Variants in ITGA8 observed in about 807,000 individuals in gnomAD.
The protein encoded by ITGA8 is integrin subunit alpha 8.
ITGA8 carries 91 observed loss-of-function variants against 142.3 expected under a neutral mutation model. The observed-to-expected ratio is 0.64, with a 90% CI of 0.54 to 0.76. The LOEUF is 0.76. ITGA8 is among the 30% of genes least tolerant of loss of function. The probability of loss-of-function intolerance (pLI) is 0.00; values close to 1 mark genes in which losing one functional copy is unlikely to be tolerated. For missense variants in ITGA8, 1,406 were observed against 1,327.7 expected (o/e 1.06, Z -0.92); for synonymous variants, 505 against 485.2 (o/e 1.04, Z -0.54).
At chr10:15,586,722 A>G (rs375115538) in intron 22 of ITGA8, 58 bp from the exon 23 acceptor site, 6 of 998,236 alleles carry the variant, frequency 6.0e-6, no homozygotes, top group East Asian at 2.4e-5. Context: ...ATTACAATAT[A>G]TGATCATAAA....
intron 23 of ITGA8, among the ~76,000 whole-genome samples, chr10:15,580,549 G>A (rs1023770602): frequency 4.6e-5 from 7 of 152,066 alleles, no homozygotes; most frequent in South Asian, 4.1e-4. Context: ...TTAGCAAGTC[G>A]AATCCCAGAG....
intron 11 of ITGA8, among the ~76,000 whole-genome samples, chr10:15,651,533 T>C (rs1382311311): frequency 2.0e-5 from 3 of 151,722 alleles, no homozygotes; most frequent in African/African-American, 4.8e-5. Flanking sequence ...TATTGACAGT[T>C]TTTTTTTTTT....
At chr10:15,583,419 T>C (rs61845562) in intron 23 of ITGA8, among the ~76,000 whole-genome samples, 44,204 of 151,972 alleles carry the variant, frequency 0.29, 7,369 homozygotes, top group Non-Finnish European at 0.38. Flanking sequence ...ATGTAGATGA[T>C]GGGTTGATGA....
Position 15,630,740 on chromosome 10 carries a change from G to C in ITGA8, c.1399+13290C>G, listed in dbSNP as rs543544794. Among the ~76,000 whole-genome samples the C allele has an allele frequency of 1.2e-4, 18 of 152,060 alleles. No individual in the cohort carries two copies. In the South Asian group the frequency reaches 3.7e-3, roughly 32 times the overall value. ...TTCAAAGTGACATATTAAAAAACAT[G>C]CAGAGGGAGGGAAGAAATAATATGA... On this transcript the variant is annotated intron_variant, in intron 13 of 29. Coordinates refer to ENST00000378076, the MANE Select transcript of ITGA8 (RefSeq NM_003638.3).
chr10:15,664,411 C>T (rs1347363068), intron 8 of ITGA8, among the ~76,000 whole-genome samples: 1 of 152,052 alleles, frequency 6.6e-6, no homozygotes, highest in Non-Finnish European at 1.5e-5. Flanking sequence ...ACCTGAACTG[C>T]AAAACTTTAT....
chr10:15,698,621 G>A (rs1217816273), intron 2 of ITGA8, among the ~76,000 whole-genome samples: 1 of 152,058 alleles, frequency 6.6e-6, no homozygotes, highest in Non-Finnish European at 1.5e-5. Flanking sequence ...GAGTGAGGTG[G>A]TATCACATCG....
chr10:15,583,839 T>C (rs547918353), intron 23 of ITGA8, among the ~76,000 whole-genome samples: 3 of 152,244 alleles, frequency 2.0e-5, no homozygotes, highest in African/African-American at 7.2e-5. Context: ...CTTTATGTAA[T>C]TTACATTCCA....
chr10:15,520,685 A>G (rs1249239981), intron 28 of ITGA8, among the ~76,000 whole-genome samples: 1 of 152,272 alleles, frequency 6.6e-6, no homozygotes, highest in African/African-American at 2.4e-5. Context: ...TTTGTCAAAG[A>G]AAAGAGCGCT....
intron 13 of ITGA8, among the ~76,000 whole-genome samples, chr10:15,638,473 A>G (rs1042446013): frequency 6.6e-6 from 1 of 152,214 alleles, no homozygotes; most frequent in Non-Finnish European, 1.5e-5. Flanking sequence ...TACATCAGAC[A>G]GTGAAAACCA....
chr10:15,676,541 G>A (rs537032290), intron 6 of ITGA8, among the ~76,000 whole-genome samples: 1 of 152,070 alleles, frequency 6.6e-6, no homozygotes, highest in Non-Finnish European at 1.5e-5. Context: ...GTGACAGTTC[G>A]ATTAATGCCT....
chr10:15,640,253 G>A (rs1833846803), intron 13 of ITGA8, among the ~76,000 whole-genome samples: 2 of 152,172 alleles, frequency 1.3e-5, no homozygotes, highest in South Asian at 4.1e-4. Flanking sequence ...TGGGTGTCAG[G>A]TCTTCCTCAT....
Position 15,719,834 on chromosome 10 carries a change from A to AG in ITGA8, c.-64dup, listed in dbSNP as rs11575599. ...GCGAGCCGAGGACCCCTGCGGGGCA[A>AG]GGGGGGCTGGTGGAATCTGGCGGTC... is the stretch of plus-strand genomic sequence containing the variant. On this transcript the variant is annotated 5_prime_UTR_variant, in exon 1 of 30. Transcript: ENST00000378076. 171,015 of 1,174,060 alleles carry AG rather than the reference A, an allele frequency of 0.15. 13,992 individuals carry two copies. The highest frequency in any genetic ancestry group is 0.2 in the Middle Eastern group (644 of 3,184). The allele number at this position is 1,174,060 out of a possible 1,614,324, so 72.7% of individuals were successfully genotyped here. A position where few individuals can be genotyped will look rare whatever the true frequency, so the allele number is the denominator to read the frequency against.
intron 14 of ITGA8, 57 bp from the exon 15 acceptor site, chr10:15,613,824 A>G: frequency 8.4e-7 from 1 of 1,185,302 alleles, no homozygotes; most frequent in South Asian, 1.2e-5. Flanking sequence ...ATAGGCAGGC[A>G]GAAGCCCACT....
chr10:15,556,950 G>C (rs1833898678), intron 26 of ITGA8, among the ~76,000 whole-genome samples: 1 of 152,130 alleles, frequency 6.6e-6, no homozygotes, highest in African/African-American at 2.4e-5. Context: ...TTATGGACAT[G>C]GTCTACAGAG....
At chr10:15,667,003 G>T (rs1031980342) in intron 8 of ITGA8, among the ~76,000 whole-genome samples, 1 of 152,158 alleles carries the variant, frequency 6.6e-6, no homozygotes, top group African/African-American at 2.4e-5. Context: ...TCTCTGCCTG[G>T]CTTTGGTATC....
At chr10:15,593,024 G>A (rs1475269886) in intron 21 of ITGA8, among the ~76,000 whole-genome samples, 1 of 152,180 alleles carries the variant, frequency 6.6e-6, no homozygotes, top group Non-Finnish European at 1.5e-5. Context: ...ATGAGTGAAG[G>A]TTACAATGTT....
At chr10:15,654,170 C>T (rs1834141454) in intron 11 of ITGA8, among the ~76,000 whole-genome samples, 1 of 152,142 alleles carries the variant, frequency 6.6e-6, no homozygotes, top group Admixed American at 6.6e-5. Flanking sequence ...TAGCTCATTT[C>T]TTTTTTAGCA....
intron 21 of ITGA8, among the ~76,000 whole-genome samples, chr10:15,593,983 G>A (rs926567619): frequency 2.6e-5 from 4 of 151,396 alleles, no homozygotes; most frequent in Admixed American, 1.3e-4. Flanking sequence ...CTGGGATTAC[G>A]GGTGTGTGCC....
At position 15,578,251 on chromosome 10, in the gene ITGA8, T is replaced by C. The variant is rs189719543; in HGVS notation, c.2373-2657A>G. On this transcript the variant is annotated intron_variant, in intron 23 of 29. Coordinates refer to ENST00000378076, the MANE Select transcript of ITGA8 (RefSeq NM_003638.3). ...TTATATAATTCTGTTATTTCAAGAATGTTATATAATTGGAATCATACAGGA... is the reference window on the plus strand; with the variant it reads ...TTATATAATTCTGTTATTTCAAGAACGTTATATAATTGGAATCATACAGGA... Among the ~76,000 whole-genome samples, 1,176 of 152,298 alleles carry C rather than the reference T, an allele frequency of 7.7e-3. 7 individuals carry two copies. Among genetic ancestry groups the C allele is most frequent in the South Asian group, 0.024 (117 of 4,828 alleles).
Sources: gnomAD v4.1 joint callset for allele counts (sites outside exome capture counted in the v4.1 genomes callset) on GRCh38, gnomAD v4.1.1 for gene constraint, MANE v1.5 for transcripts, NCBI Gene and HGNC (gene_info 2026-07-23, HGNC 2026-07-21) for gene names.